Variants in HECTD3 observed in about 807,000 individuals in gnomAD.
HECTD3 encodes E3 ubiquitin-protein ligase HECTD3.
HECTD3 carries 72 observed loss-of-function variants against 109.3 expected under a neutral mutation model. That is an observed-to-expected ratio of 0.66 (90% CI 0.54 to 0.80). The LOEUF is 0.80. Ranked by LOEUF, HECTD3 falls within the 30% of genes least tolerant of loss-of-function variation. The pLI is 0.00. For synonymous variants in HECTD3, 481 were observed against 471.8 expected, an observed-to-expected ratio of 1.02 and a Z score of -0.25; for missense variants, 1,041 against 1,165.2, an observed-to-expected ratio of 0.89 and a Z score of 1.55.
chr1:45,009,024 T>A lies in HECTD3; in HGVS notation c.1072+120A>T, dbSNP rs1239495253. The A allele has an allele frequency of 4.8e-6, 4 of 830,228 alleles. No homozygotes were observed. The Admixed American group carries it at 8.0e-5, about 17-fold the overall frequency. 51.4% of individuals were successfully genotyped at this position (830,228 alleles called of 1,614,324 possible). ...GGCCCCAAAGCTCCAAATCCTGGAG[T>A]TAGTTCAGCATCGCCTTCACCCCAA... is the stretch of plus-strand genomic sequence containing the variant. On this transcript the variant is annotated intron_variant, in intron 7 of 20. Transcript: ENST00000372172.
rs571354797 is a variant in HECTD3 at position 45,004,094 on chromosome 1, C to T, written c.2313G>A (p.Gln771=). Residue 771 remains glutamine, a synonymous_variant, in exon 18 of 21, where the codon CAG becomes CAA. Coordinates refer to ENST00000372172, the MANE Select transcript of HECTD3 (RefSeq NM_024602.6). ...EDFEPSDSRV[Q]YFWEALNNFT... is the part of the protein sequence containing the mutation. The stretch of plus-strand genomic sequence containing the variant: ...AGTTGTTCAGTGCCTCCCAGAAATA[C>T]TGCACCCGCGAGTCAGATGGCTCGA... 1.1e-5 allele frequency: 17 copies of T among 1,614,080 alleles called. No individual in the cohort carries two copies. In the South Asian group the frequency reaches 1.5e-4, roughly 15 times the overall value.
At chr1:45,009,017 C>T in intron 7 of HECTD3, 127 bp downstream of exon 7, 1 of 808,690 alleles carries the variant, frequency 1.2e-6, no homozygotes, top group Non-Finnish European at 2.1e-6. Context: ...AGCTCCAAAT[C>T]CTGGAGTTAG....
Position 45,010,908 on chromosome 1 carries a change from A to AGCCCGTGGCCATTGCACAGCTCCTC in HECTD3, c.325_349dup (p.Leu117ArgfsTer120), listed in dbSNP as rs1221325783. ...GCGCACCTTTGTCAGCTTCACCCAG[A>AGCCCGTGGCCATTGCACAGCTCCTC]GCCCGTGGCCATTGCACAGCTCCTC... On this transcript the variant is annotated frameshift_variant, in exon 1 of 21. Transcript: ENST00000372172. LOFTEE classifies it high-confidence loss of function. The AGCCCGTGGCCATTGCACAGCTCCTC allele has an allele frequency of 1.9e-6, 3 of 1,540,234 alleles. No homozygotes were observed. Among genetic ancestry groups the AGCCCGTGGCCATTGCACAGCTCCTC allele is most frequent in the Non-Finnish European group, 2.6e-6 (3 of 1,154,894 alleles).
At chr1:45,009,833 G>T in intron 4 of HECTD3, 150 bp from the exon 5 acceptor site, 1 of 1,093,982 alleles carries the variant, frequency 9.1e-7, no homozygotes. Flanking sequence ...GTATGTAAGG[G>T]GTCCTATAGA....
At chr1:45,010,854 G>A (rs750600388) in intron 1 of HECTD3, 35 bp downstream of exon 1, 36 of 1,507,666 alleles carry the variant, frequency 2.4e-5, no homozygotes, top group East Asian at 4.6e-5. Flanking sequence ...GGCCCCAGGG[G>A]TCTTTTACCG....
Position 45,007,398 on chromosome 1 carries a change from C to T in HECTD3, c.1503+15G>A. On this transcript the variant is annotated intron_variant, in intron 10 of 20. Coordinates refer to ENST00000372172, the MANE Select transcript of HECTD3 (RefSeq NM_024602.6). ...TGACTGATCCTATCTCAGTCGGACC[C>T]TAGGTGGTGCAGACCTGGGTGAAGA... 6.2e-7 allele frequency: 1 copy of T among 1,613,830 alleles called. No individual in the cohort carries two copies. Among genetic ancestry groups the T allele is most frequent in the South Asian group, 1.1e-5 (1 of 91,058 alleles).
chr1:45,005,922 G>A (rs1228558284), intron 14 of HECTD3, 39 bp from the exon 15 acceptor site: 3 of 1,605,694 alleles, frequency 1.9e-6, no homozygotes, highest in East Asian at 4.5e-5. Context: ...CTCACCCTGA[G>A]CTGCCCAGGT....
At position 45,005,811 on chromosome 1, in the gene HECTD3, C is replaced by G. The variant is rs1021988505; in HGVS notation, c.1918G>C (p.Ala640Pro). The G allele has an allele frequency of 2.5e-6, 4 of 1,603,056 alleles. No homozygotes were observed. The highest frequency in any genetic ancestry group is 3.4e-6 in the Non-Finnish European group (4 of 1,174,420). Residue 640 changes from alanine to proline, a missense_variant, in exon 15 of 21, where the codon GCT (alanine) becomes CCT (proline). Physicochemically the swap from Ala to Pro is conservative, Grantham distance 27. Coordinates refer to ENST00000372172, the MANE Select transcript of HECTD3 (RefSeq NM_024602.6). ...CTACTCACCAGCACAGAGTCCACAG[C>G]TGGGAAGTCCTTGCTCCAGCTCACC... ...EEVSWSKDFP[A>P]VDSVLVKLLE...
At chr1:45,010,830 C>T (rs924841132) in intron 1 of HECTD3, 59 bp downstream of exon 1, 3 of 1,505,742 alleles carry the variant, frequency 2.0e-6, no homozygotes, top group Admixed American at 2.2e-5. Flanking sequence ...AGGCAAACAG[C>T]CAGAGGTTTC....
At chr1:45,010,440 TGCCTCC>T in intron 2 of HECTD3, 100 bp downstream of exon 2, 2 of 1,514,312 alleles carry the variant, frequency 1.3e-6, no homozygotes, top group Non-Finnish European at 1.8e-6. Context: ...CTCTTAACCC[TGCCTCC>T]GCTCCAGTAT....
Position 45,010,082 on chromosome 1 carries a change from G to T in HECTD3, c.663C>A (p.Asp221Glu). ...GGTGGTCATACAAGAAGTGGATCAGGTCCTCGTCGCACTCGTAGGTCCATG... is the reference window on the plus strand; with the variant it reads ...GGTGGTCATACAAGAAGTGGATCAGTTCCTCGTCGCACTCGTAGGTCCATG... ...PPTWTYECDE[D>E]LIHFLYDHLG... Residue 221 changes from aspartate to glutamate, a missense_variant, in exon 4 of 21, where the codon GAC becomes GAA. Physicochemically the swap from Asp to Glu is conservative, Grantham distance 45. Coordinates refer to ENST00000372172, the MANE Select transcript of HECTD3 (RefSeq NM_024602.6). The T allele has an allele frequency of 6.3e-7, 1 of 1,589,664 alleles. No individual in the cohort carries two copies. Among genetic ancestry groups the T allele is most frequent in the Non-Finnish European group, 8.6e-7 (1 of 1,164,850 alleles).
At chr1:45,009,768 A>G (rs1644768211) in intron 4 of HECTD3, 85 bp from the exon 5 acceptor site, 1 of 1,216,446 alleles carries the variant, frequency 8.2e-7, no homozygotes, top group South Asian at 1.3e-5. Flanking sequence ...CACCAGAGAG[A>G]AAGCATAGTG....
Position 45,006,926 on chromosome 1 carries a change from T to C in HECTD3, c.1621+25A>G, listed in dbSNP as rs1466903358. On this transcript the variant is annotated intron_variant, in intron 12 of 20. Coordinates refer to ENST00000372172, the MANE Select transcript of HECTD3 (RefSeq NM_024602.6). The surrounding 1 kb of genome is among the most constrained non-coding windows in gnomAD (Gnocchi z 4.7). ...TTTGATAGGGCAGCAAGCAGGACCCTTGAGATCCTCCCTCAGGGCCTCACC... is the reference window on the plus strand; with the variant it reads ...TTTGATAGGGCAGCAAGCAGGACCCCTGAGATCCTCCCTCAGGGCCTCACC... 32 of 1,611,318 alleles carry C rather than the reference T, an allele frequency of 2.0e-5. No homozygotes were observed. The highest frequency in any genetic ancestry group is 2.1e-5 in the Non-Finnish European group (25 of 1,177,440).
chr1:45,009,280 G>T, intron 6 of HECTD3, 54 bp from the exon 7 acceptor site: 1 of 1,545,814 alleles, frequency 6.5e-7, no homozygotes, highest in Non-Finnish European at 8.9e-7. Flanking sequence ...GGCCTTCAGA[G>T]ACTGCTGGAG....
At position 45,011,132 on chromosome 1, in the gene HECTD3, GA is replaced by G; in HGVS notation, c.125del (p.Phe42SerfsTer78). ...AGRPLPAALA[F>X]VPREVLYKLY... The stretch of plus-strand genomic sequence containing the variant: ...GCTTGTAGAGCACCTCTCGCGGCAC[GA>G]AAGCCAGCGCTGCTGGCAGCGGCCG... On this transcript the variant is annotated frameshift_variant, in exon 1 of 21. Coordinates refer to ENST00000372172, the MANE Select transcript of HECTD3 (RefSeq NM_024602.6). LOFTEE classifies it high-confidence loss of function. 6.6e-7 allele frequency: 1 copy of G among 1,507,666 alleles called. No individual in the cohort carries two copies. The highest frequency in any genetic ancestry group is 2.1e-5 in the Admixed American group (1 of 46,548). The allele number at this position is 1,507,666 out of a possible 1,614,324, so 93.4% of individuals were successfully genotyped here.
chr1:45,008,578 G>A lies in HECTD3; in HGVS notation c.1196C>T (p.Thr399Ile). ...TCTGCGGTACAGTACTTCAGGGTCG[G>A]TGCCTTCTAGGCGTGGATATCGCAC... ...SLVRYPRLEGTDPEVLYRRAV... is the reference protein window; with the variant it reads ...SLVRYPRLEGIDPEVLYRRAV... The change falls in exon 8 of 21, where the codon ACC becomes ATC. Residue 399 changes from threonine to isoleucine, a missense_variant. Physicochemically the swap from Thr to Ile is moderately conservative, Grantham distance 89 (BLOSUM62 -1). Coordinates refer to ENST00000372172, the MANE Select transcript of HECTD3 (RefSeq NM_024602.6). 1 of 1,613,988 alleles carries A rather than the reference G, an allele frequency of 6.2e-7. No homozygotes were observed. Among genetic ancestry groups the A allele is most frequent in the East Asian group, 2.2e-5 (1 of 44,882 alleles).
In HECTD3 at chr1:45,010,678, C is replaced by G; in HGVS notation, c.398G>C (p.Cys133Ser). The G allele has an allele frequency of 1.3e-6, 2 of 1,572,226 alleles. No individual in the cohort carries two copies. Among genetic ancestry groups the G allele is most frequent in the Non-Finnish European group, 8.6e-7 (1 of 1,163,844 alleles). Residue 133 changes from cysteine to serine, a missense_variant, in exon 2 of 21, where the codon TGC becomes TCC. Physicochemically the swap from Cys to Ser is moderately radical, Grantham distance 112 (BLOSUM62 -1). Coordinates refer to ENST00000372172, the MANE Select transcript of HECTD3 (RefSeq NM_024602.6). ...CAGCAGCCAGCCTTCCTGCAGCCCG[C>G]AGTCGCCCAGGTGCTCTGCCAGCTG... ...KEQLAEHLGD[C>S]GLQEGWLLVC...
chr1:45,005,873 A>G lies in HECTD3; in HGVS notation c.1856T>C (p.Leu619Pro). ...LRGKEFLVLA[L>P]PGFVWKQLSG... Reference sequence around the variant, plus strand: ...AAGCTGCTTCCACACAAAACCAGGCAGGGCCAGGACCTGTGTGACAAACAC... The same window carrying G: ...AAGCTGCTTCCACACAAAACCAGGCGGGGCCAGGACCTGTGTGACAAACAC... The change falls in exon 15 of 21, where the codon CTG becomes CCG. Residue 619 changes from leucine (L) to proline (P), a missense_variant. By Grantham distance (98) the Leu-to-Pro change is moderately conservative. Around this residue, in one of 2 missense-constraint regions of HECTD3, gnomAD observed 569 missense variants for 715.3 expected, o/e 0.80. Transcript: ENST00000372172. The G allele has an allele frequency of 6.2e-7, 1 of 1,607,802 alleles. No homozygotes were observed. The highest frequency in any genetic ancestry group is 8.5e-7 in the Non-Finnish European group (1 of 1,176,780).
chr1:45,004,923 C>A, intron 15 of HECTD3, 117 bp from the exon 16 acceptor site: 1 of 869,150 alleles, frequency 1.2e-6, no homozygotes, highest in Non-Finnish European at 1.9e-6. Flanking sequence ...CCCATGGAGG[C>A]AGCAGGGAAT....
Sources: gnomAD v4.1 joint callset for allele counts on GRCh38, gnomAD v4.1.1 for gene constraint, gnomAD v4.1.1 regional missense constraint, Gnocchi (gnomAD v3.1) non-coding constraint, MANE v1.5 for transcripts, NCBI Gene and HGNC (gene_info 2026-07-23, HGNC 2026-07-21) for gene names.